Variants in ODAM observed in about 807,000 individuals in gnomAD.
The protein encoded by ODAM is odontogenic, ameloblast associated.
A neutral mutation model predicts 48.5 loss-of-function variants in ODAM; 55 were observed. The observed-to-expected ratio is 1.13, with a 90% CI of 0.91 to 1.42. The LOEUF (loss-of-function observed/expected upper bound fraction) is 1.42. Among genes scored for constraint, ODAM ranks in the 40% most tolerant of loss-of-function variants. ODAM has a pLI of 0.00. For synonymous variants in ODAM, 127 were observed against 107.8 expected (o/e 1.18, Z -1.10); for missense variants, 353 against 323.6 (o/e 1.09, Z -0.70).
intron 4 of ODAM, 88 bp downstream of exon 4, chr4:70,197,409 T>G (rs1187935778): frequency 1.2e-6 from 1 of 825,254 alleles, no homozygotes; most frequent in East Asian, 2.5e-5. Context: ...TGTTTCCTGA[T>G]CCTATTTTGG....
intron 6 of ODAM, 51 bp downstream of exon 6, chr4:70,198,677 A>G: frequency 7.1e-7 from 1 of 1,400,556 alleles, no homozygotes; most frequent in South Asian, 1.2e-5. Flanking sequence ...TACACTCTCC[A>G]CAATGCTTTC....
rs868664678 is a variant in ODAM, at chr4:70,197,212, C to T, written c.94-62C>T. On this transcript the variant is annotated intron_variant, in intron 3 of 11. Coordinates refer to ENST00000683306, the MANE Select transcript of ODAM (RefSeq NM_017855.4). ...TGACTTGTGCTATATTTGCAGTAAA[C>T]ATTGTTCCTACTCATTTTAGTGTGT... is the stretch of plus-strand genomic sequence containing the variant. 15 of 809,052 alleles carry T rather than the reference C, an allele frequency of 1.9e-5. No individual in the cohort carries two copies. In the Middle Eastern group the frequency reaches 1.6e-3, roughly 85 times the overall value. The allele number at this position is 809,052 out of a possible 1,614,324, so 50.1% of individuals were successfully genotyped here.
At chr4:70,196,294 T>C (rs1161704651) in intron 1 of ODAM, among the ~76,000 whole-genome samples, 2 of 152,016 alleles carry the variant, frequency 1.3e-5, no homozygotes, top group Non-Finnish European at 2.9e-5. Context: ...GAGTATTTTG[T>C]TCAAGCTAAA....
At position 70,202,247 on chromosome 4, in the gene ODAM, T is replaced by G. The variant is rs950008331; in HGVS notation, c.577-11T>G. On this transcript the variant is annotated splice_polypyrimidine_tract_variant and intron_variant, in intron 8 of 11. Transcript: ENST00000683306. ...CTGATTTAGACTTTTTAAAACTTTT[T>G]GTGTTTTTAGGCTATATCAGGAGGA... 6.2e-7 allele frequency: 1 copy of G among 1,608,222 alleles called. No homozygotes were observed.
chr4:70,202,340 T>G lies in ODAM; in HGVS notation c.648+11T>G. On this transcript the variant is annotated intron_variant, in intron 9 of 11. Transcript: ENST00000683306. ...GAAATTGCTGTGATGGTAAGATTCC[T>G]TACAACACTTTGCCAGCTACTGGAA... 1 of 1,603,228 alleles carries G rather than the reference T, an allele frequency of 6.2e-7. No individual in the cohort carries two copies. The highest frequency in any genetic ancestry group is 8.5e-7 in the Non-Finnish European group (1 of 1,170,892).
intron 7 of ODAM, 117 bp from the exon 8 acceptor site, chr4:70,201,337 T>C: frequency 1.8e-6 from 1 of 556,044 alleles, no homozygotes; most frequent in Non-Finnish European, 3.2e-6. Context: ...ACATATAAAC[T>C]TTAAAAATGC....
chr4:70,203,231 G>A lies in ODAM; in HGVS notation c.*29+17G>A, dbSNP rs753762161. On this transcript the variant is annotated intron_variant, in intron 11 of 11. Transcript: ENST00000683306. ...GACATTTTGGTAGGTATTTGCCAAA[G>A]TCAAGAATTAGGTGCCACGACAATT... 6.9e-6 allele frequency: 10 copies of A among 1,446,272 alleles called. No homozygotes were observed. The African/African-American group carries it at 1.3e-4, about 18-fold the overall frequency. The allele number at this position is 1,446,272 out of a possible 1,614,324, so 89.6% of individuals were successfully genotyped here.
intron 1 of ODAM, among the ~76,000 whole-genome samples, chr4:70,196,291 T>A (rs1385177027): frequency 6.6e-6 from 1 of 152,004 alleles, no homozygotes; most frequent in African/African-American, 2.4e-5. Context: ...AATGAGTATT[T>A]TGTTCAAGCT....
At chr4:70,199,155 A>C (rs1729443664) in intron 6 of ODAM, among the ~76,000 whole-genome samples, 1 of 152,016 alleles carries the variant, frequency 6.6e-6, no homozygotes, top group Non-Finnish European at 1.5e-5. Context: ...TTTTCCATTA[A>C]ATAGGATAAT....
At position 70,204,552 on chromosome 4, in the gene ODAM, A is replaced by T. The variant is rs1026515130; in HGVS notation, c.*407A>T. 1 of 151,974 alleles carries T rather than the reference A, an allele frequency of 6.6e-6. No individual in the cohort carries two copies. Among genetic ancestry groups the T allele is most frequent in the Admixed American group, 6.6e-5 (1 of 15,206 alleles). 9.4% of individuals were successfully genotyped at this position (151,974 alleles called of 1,614,324 possible). A position where few individuals can be genotyped will look rare whatever the true frequency, so the allele number is the denominator to read the frequency against. ...ATGAGTGTTGTGATTGGAACTGATG[A>T]AGTAAAATAAGTATCTAGATTTGAC... On this transcript the variant is annotated 3_prime_UTR_variant, in exon 12 of 12. Coordinates refer to ENST00000683306, the MANE Select transcript of ODAM (RefSeq NM_017855.4).
Position 70,200,546 on chromosome 4 carries a change from A to T in ODAM, c.473A>T (p.Gln158Leu). The change falls in exon 7 of 12, where the codon CAG becomes CTG. Residue 158 changes from glutamine to leucine, a missense_variant. Physicochemically the swap from Gln to Leu is moderately radical, Grantham distance 113. Transcript: ENST00000683306. ...ATGGTCCTACCCTGGGAACAACCTC[A>T]GCAAACAGTTCCAAGGTCACCTCAA... ...VYMVLPWEQPQQTVPRSPQQT... is the reference protein window; with the variant it reads ...VYMVLPWEQPLQTVPRSPQQT... 1 of 1,611,616 alleles carries T rather than the reference A, an allele frequency of 6.2e-7. No individual in the cohort carries two copies. The highest frequency in any genetic ancestry group is 2.2e-5 in the East Asian group (1 of 44,730).
At chr4:70,203,087 T>C in intron 10 of ODAM, 69 bp from the exon 11 acceptor site, 1 of 1,385,670 alleles carries the variant, frequency 7.2e-7, no homozygotes, top group Non-Finnish European at 1.0e-6. Context: ...TTTTTGATAA[T>C]CAATTAATCA....
intron 8 of ODAM, 86 bp downstream of exon 8, chr4:70,201,587 A>C (rs1318317174): frequency 1.3e-6 from 1 of 779,068 alleles, no homozygotes; most frequent in African/African-American, 1.8e-5. Context: ...CTTCAGCCAA[A>C]GATGACCAGG....
intron 9 of ODAM, 111 bp downstream of exon 9, chr4:70,202,440 G>A: frequency 1.1e-6 from 1 of 933,342 alleles, no homozygotes; most frequent in Non-Finnish European, 1.7e-6. Context: ...AATAATTTTT[G>A]CTTCTTCTTC....
At chr4:70,199,320 A>G (rs2109817392) in intron 6 of ODAM, among the ~76,000 whole-genome samples, 1 of 152,134 alleles carries the variant, frequency 6.6e-6, no homozygotes, top group African/African-American at 2.4e-5. Context: ...CTTTTCATAA[A>G]AAGTTACAGC....
In ODAM at chr4:70,202,274, A is replaced by T. The variant is rs1729514712; in HGVS notation, c.593A>T (p.Gln198Leu). Reference protein sequence around the residue: ...QLAEPAISGGQQQLAFDPQLG... With the variant: ...QLAEPAISGGLQQLAFDPQLG... ...TGTTTTTAGGCTATATCAGGAGGAC[A>T]GCAGCAACTAGCTTTTGATCCCCAA... Residue 198 changes from glutamine (Q) to leucine (L), a missense_variant, in exon 9 of 12, where the codon CAG becomes CTG. By Grantham distance (113) the Gln-to-Leu change is moderately radical. Coordinates refer to ENST00000683306, the MANE Select transcript of ODAM (RefSeq NM_017855.4). 1 of 1,611,844 alleles carries T rather than the reference A, an allele frequency of 6.2e-7. No individual in the cohort carries two copies. The highest frequency in any genetic ancestry group is 2.2e-5 in the East Asian group (1 of 44,752).
At chr4:70,198,676 C>T (rs1048372412) in intron 6 of ODAM, 50 bp downstream of exon 6, 13 of 1,402,410 alleles carry the variant, frequency 9.3e-6, no homozygotes, top group Non-Finnish European at 1.3e-5. Flanking sequence ...ATACACTCTC[C>T]ACAATGCTTT....
intron 4 of ODAM, 132 bp from the exon 5 acceptor site, chr4:70,197,792 C>T (rs568425459): frequency 2.4e-5 from 16 of 679,788 alleles, no homozygotes; most frequent in Non-Finnish European, 3.8e-5. Context: ...AATCAAGATG[C>T]TGTCCTTTTT....
intron 4 of ODAM, 86 bp from the exon 5 acceptor site, chr4:70,197,838 A>G (rs1300800178): frequency 6.2e-6 from 6 of 968,668 alleles, no homozygotes; most frequent in Non-Finnish European, 9.5e-6. Flanking sequence ...AATTGTTTGT[A>G]TTTTGCCTCT....
Sources: allele counts gnomAD v4.1 joint callset (sites outside exome capture counted in the v4.1 genomes callset), GRCh38; gene constraint gnomAD v4.1.1; transcripts MANE v1.5; gene names NCBI Gene and HGNC (gene_info 2026-07-23, HGNC 2026-07-21).